The following DGKG variants were observed in gnomAD, a reference collection of about 807,000 sequenced individuals.
The protein encoded by DGKG is DAG kinase gamma.
In DGKG, 78 loss-of-function variants were observed where a neutral mutation model predicts 105.3. That is an observed-to-expected ratio of 0.74 (90% CI 0.62 to 0.89). DGKG has a LOEUF of 0.89. Among genes scored for constraint, DGKG ranks in the 40% least tolerant of loss-of-function variants. The pLI is 0.00. For synonymous variants in DGKG, 346 were observed against 367.1 expected (o/e 0.94, Z 0.66); for missense variants, 958 against 1,020.1 (o/e 0.94, Z 0.83).
chr3:186,245,025 AG>A (rs144129358), intron 19 of DGKG, among the ~76,000 whole-genome samples: 1 of 152,030 alleles, frequency 6.6e-6, no homozygotes, highest in Non-Finnish European at 1.5e-5. Context: ...AAAAAAGTGG[AG>A]GGGGGCGGGG....
rs1358601784 is a variant in DGKG at position 186,148,663 on chromosome 3, C to A, written c.*1427G>T. ...ATTAGCCAAGACACCATGGAAAAGT[C>A]TCTGAACTTTTCTGAGACTCAATTT... On this transcript the variant is annotated 3_prime_UTR_variant, in exon 25 of 25. Transcript: ENST00000265022. The A allele has an allele frequency of 7.1e-6, 7 of 984,960 alleles. No homozygotes were observed. The highest frequency in any genetic ancestry group is 8.4e-6 in the Non-Finnish European group (7 of 829,670). The allele number at this position is 984,960 out of a possible 1,614,324, so 61.0% of individuals were successfully genotyped here.
chr3:186,158,430 G>A, intron 24 of DGKG: 1 of 981,294 alleles, frequency 1.0e-6, no homozygotes, highest in South Asian at 4.7e-5. Context: ...TGTTGTTTAG[G>A]AGAATTTTTA....
chr3:186,235,829 C>T (rs1270073411), intron 20 of DGKG, among the ~76,000 whole-genome samples: 2 of 152,100 alleles, frequency 1.3e-5, no homozygotes, highest in East Asian at 3.9e-4. Context: ...GAGGGTTAGT[C>T]ACATCCCCAG....
At chr3:186,278,181 C>A (rs772999783) in intron 9 of DGKG, among the ~76,000 whole-genome samples, 28 of 151,982 alleles carry the variant, frequency 1.8e-4, no homozygotes, top group Non-Finnish European at 3.7e-4. Flanking sequence ...GTATTTTGAA[C>A]CTCAGCAAGT....
Position 186,267,738 on chromosome 3 carries a change from C to A in DGKG, c.1156G>T (p.Gly386Trp). The change falls in exon 13 of 25, where the codon GGG becomes TGG. Residue 386 changes from glycine (G) to tryptophan (W), a missense_variant. By Grantham distance (184) the Gly-to-Trp change is radical. Around this residue, in one of 2 missense-constraint regions of DGKG, gnomAD observed 643 missense variants for 619.5 expected, o/e 1.04. Coordinates refer to ENST00000265022, the MANE Select transcript of DGKG (RefSeq NM_001346.3). ...KCELSTLCDGGELRDHILLPT... is the reference protein window; with the variant it reads ...KCELSTLCDGWELRDHILLPT... ...AGTAAGATGTGGTCTCTGAGTTCCC[C>A]ACCGTCACACAACGTTGATAATTCA... The A allele has an allele frequency of 6.2e-7, 1 of 1,614,028 alleles. No homozygotes were observed. The highest frequency in any genetic ancestry group is 8.5e-7 in the Non-Finnish European group (1 of 1,179,956).
intron 24 of DGKG, 120 bp from the exon 25 acceptor site, chr3:186,150,308 C>T: frequency 2.3e-6 from 3 of 1,312,128 alleles, no homozygotes; most frequent in Non-Finnish European, 3.1e-6. Context: ...TGCAGAAGGA[C>T]AACTGTCCTT....
At chr3:186,342,335 C>T (rs904569917) in intron 1 of DGKG, among the ~76,000 whole-genome samples, 72 of 152,042 alleles carry the variant, frequency 4.7e-4, no homozygotes, top group Admixed American at 4.2e-3. Flanking sequence ...TTCTACAGGC[C>T]GCTTGGCCAC....
At chr3:186,165,774 T>A (rs1463901570) in intron 22 of DGKG, among the ~76,000 whole-genome samples, 1 of 152,188 alleles carries the variant, frequency 6.6e-6, no homozygotes, top group Non-Finnish European at 1.5e-5. Flanking sequence ...GGATGGTGCT[T>A]CCCCAGTTTC....
At chr3:186,209,512 G>C (rs1454573144) in intron 21 of DGKG, among the ~76,000 whole-genome samples, 2 of 152,116 alleles carry the variant, frequency 1.3e-5, no homozygotes, top group Non-Finnish European at 2.9e-5. Flanking sequence ...TGAAATAAAG[G>C]CTATGGTGGG....
chr3:186,284,209 C>A lies in DGKG; in HGVS notation c.594+451G>T, dbSNP rs1368877512. The stretch of plus-strand genomic sequence containing the variant: ...AAGCACATCAGCAGTGACCAGCAGC[C>A]TCCTTCCTCTGAAATCAGCAGTAAC... On this transcript the variant is annotated intron_variant, in intron 7 of 24. Transcript: ENST00000265022. This position sits in a 1 kb window ranked among gnomAD's most constrained non-coding sequence, Gnocchi z 4.0. Among the ~76,000 whole-genome samples, 1 of 152,118 alleles carries A rather than the reference C, an allele frequency of 6.6e-6. No individual in the cohort carries two copies. The highest frequency in any genetic ancestry group is 1.5e-5 in the Non-Finnish European group (1 of 68,008).
chr3:186,243,463 C>T (rs903903857), intron 19 of DGKG, among the ~76,000 whole-genome samples: 10 of 152,242 alleles, frequency 6.6e-5, no homozygotes, highest in East Asian at 3.9e-4. Flanking sequence ...CACTCCACAC[C>T]GTGGCCATCT....
In DGKG at chr3:186,297,068, T is replaced by TCTCACACACACACACACA. The variant is rs1452573661; in HGVS notation, c.373+352_373+353insTGTGTGTGTGTGTGTGAG. Among the ~76,000 whole-genome samples, 125 of 130,502 alleles carry TCTCACACACACACACACA rather than the reference T, an allele frequency of 9.6e-4. 1 individual carries two copies. The highest frequency in any genetic ancestry group is 2.5e-3 in the African/African-American group (85 of 34,682). 85.6% of individuals were successfully genotyped at this position (130,502 alleles called of 152,430 possible). A position where few individuals can be genotyped will look rare whatever the true frequency, so the allele number is the denominator to read the frequency against. ...CTCTCTGTCTGTCTGTCTGTCTCTC[T>TCTCACACACACACACACA]CACACACACACACACACACACACAC... On this transcript the variant is annotated intron_variant, in intron 5 of 24. Transcript: ENST00000265022.
chr3:186,309,020 T>C (rs1321909258), intron 2 of DGKG, among the ~76,000 whole-genome samples: 1 of 152,236 alleles, frequency 6.6e-6, no homozygotes, highest in Non-Finnish European at 1.5e-5. Flanking sequence ...CAAAAGTGTA[T>C]GGTCTTTTCC....
rs1051420534 is a variant in DGKG, at chr3:186,160,649, G to C, written c.2277+954C>G. 1.4e-5 allele frequency: 14 copies of C among 985,338 alleles called. No individual in the cohort carries two copies. In the East Asian group the frequency reaches 1.5e-3, roughly 104 times the overall value. 61.0% of individuals were successfully genotyped at this position (985,338 alleles called of 1,614,324 possible). A position where few individuals can be genotyped will look rare whatever the true frequency, so the allele number is the denominator to read the frequency against. Reference sequence around the variant, plus strand: ...GGGCTCAAAATAGCAGGTGATCAAAGTATCTGAATACTCCACTAGAGTGAG... The same window carrying C: ...GGGCTCAAAATAGCAGGTGATCAAACTATCTGAATACTCCACTAGAGTGAG... On this transcript the variant is annotated intron_variant, in intron 24 of 24. Coordinates refer to ENST00000265022, the MANE Select transcript of DGKG (RefSeq NM_001346.3).
chr3:186,298,112 A>T lies in DGKG; in HGVS notation c.262T>A (p.Ser88Thr), dbSNP rs1035669143. Residue 88 changes from serine (S) to threonine (T), a missense_variant, in exon 4 of 25, where the codon TCT becomes ACT. This residue lies in a region of DGKG where 643 missense variants were observed against 619.5 expected (regional missense o/e 1.04). Coordinates refer to ENST00000265022, the MANE Select transcript of DGKG (RefSeq NM_001346.3). ...AFSQKPRHET[S>T]DHPTEGASNS... ...CTGGCTCCCTCCGTCGGGTGGTCAG[A>T]GGTCTCGTGTCTGGGCTTCTGGCTG... 6.2e-7 allele frequency: 1 copy of T among 1,613,972 alleles called. No individual in the cohort carries two copies. The highest frequency in any genetic ancestry group is 8.5e-7 in the Non-Finnish European group (1 of 1,179,948).
intron 10 of DGKG, among the ~76,000 whole-genome samples, chr3:186,274,531 TC>T (rs1327609930): frequency 1.1e-5 from 1 of 89,094 alleles, no homozygotes; most frequent in Non-Finnish European, 2.1e-5. Flanking sequence ...ATGCTATCCC[TC>T]CCCCCTCCCC....
intron 5 of DGKG, among the ~76,000 whole-genome samples, chr3:186,290,021 G>C (rs537600602): frequency 2.0e-4 from 31 of 152,128 alleles, no homozygotes; most frequent in Non-Finnish European, 4.0e-4. Flanking sequence ...AGAAACCAAA[G>C]GTCACTGACA....
At chr3:186,225,779 G>A (rs1054905324) in intron 20 of DGKG, among the ~76,000 whole-genome samples, 6 of 152,234 alleles carry the variant, frequency 3.9e-5, no homozygotes, top group Admixed American at 1.3e-4. Flanking sequence ...CATATAGACC[G>A]CTGTAGTTTT....
intron 24 of DGKG, among the ~76,000 whole-genome samples, chr3:186,155,421 T>C (rs1403859520): frequency 2.0e-5 from 3 of 152,302 alleles, no homozygotes; most frequent in Middle Eastern, 3.4e-3. Context: ...CTTGAACTCC[T>C]GACCTCGTGA....
Sources: allele counts gnomAD v4.1 joint callset (sites outside exome capture counted in the v4.1 genomes callset), GRCh38; gene constraint gnomAD v4.1.1; regional missense constraint gnomAD v4.1.1; non-coding constraint Gnocchi (gnomAD v3.1); transcripts MANE v1.5; gene names NCBI Gene and HGNC (gene_info 2026-07-23, HGNC 2026-07-21).